The following PELI2 variants were observed in gnomAD, a reference collection of about 807,000 sequenced individuals.
PELI2 encodes the protein E3 ubiquitin-protein ligase pellino homolog 2.
A neutral mutation model predicts 42.3 loss-of-function variants in PELI2; 23 were observed. The observed-to-expected ratio is 0.54, with a 90% CI of 0.39 to 0.77. PELI2 has a LOEUF of 0.77. PELI2 is among the 30% of genes least tolerant of loss of function. The pLI, the probability that PELI2 is intolerant of heterozygous loss-of-function variation, is 0.00. For synonymous variants in PELI2, 245 were observed against 212.2 expected (o/e 1.15, Z -1.34); for missense variants, 463 against 553.2 (o/e 0.84, Z 1.64).
intron 1 of PELI2, among the ~76,000 whole-genome samples, chr14:56,172,107 A>T (rs1885195165): frequency 6.6e-6 from 1 of 152,178 alleles, no homozygotes; most frequent in African/African-American, 2.4e-5. Flanking sequence ...TTACTGTGTA[A>T]CCACCTACCC....
At chr14:56,246,187 A>G (rs1262059429) in intron 2 of PELI2, among the ~76,000 whole-genome samples, 1 of 152,150 alleles carries the variant, frequency 6.6e-6, no homozygotes, top group Non-Finnish European at 1.5e-5. Context: ...TGGGGCAAAC[A>G]GAGGTTGTAA....
Position 56,297,365 on chromosome 14 carries a change from G to A in PELI2, c.*199G>A, listed in dbSNP as rs765477851. 19 of 526,646 alleles carry A rather than the reference G, an allele frequency of 3.6e-5. No homozygotes were observed. The highest frequency in any genetic ancestry group is 1.0e-4 in the South Asian group (3 of 29,838). The allele number at this position is 526,646 out of a possible 1,614,324, so 32.6% of individuals were successfully genotyped here. A position where few individuals can be genotyped will look rare whatever the true frequency, so the allele number is the denominator to read the frequency against. ...TGTGTTGCATGCTCAAAACAGCAGC[G>A]TCGTCATTGAAGTCTGCTTGATTAA... On this transcript the variant is annotated 3_prime_UTR_variant, in exon 6 of 6. Transcript: ENST00000267460.
intron 2 of PELI2, among the ~76,000 whole-genome samples, chr14:56,231,167 T>G (rs1276928107): frequency 3.9e-5 from 6 of 152,148 alleles, no homozygotes; most frequent in Non-Finnish European, 5.9e-5. Flanking sequence ...GGGGACACTT[T>G]AATACACCAC....
At position 56,286,397 on chromosome 14, in the gene PELI2, A is replaced by G. The variant is rs74446747; in HGVS notation, c.310-2040A>G. On this transcript the variant is annotated intron_variant, in intron 3 of 5. Transcript: ENST00000267460. The stretch of plus-strand genomic sequence containing the variant: ...TGAGAAAAAGGTGAGGCCCTTCTAG[A>G]TGCTTTGATACCATCTTACCTGTCC... 6.8e-3 allele frequency among the ~76,000 whole-genome samples: 1,035 copies of G among 152,296 alleles called. 12 individuals carry two copies. Among genetic ancestry groups the G allele is most frequent in the African/African-American group, 0.024 (996 of 41,562 alleles).
intron 2 of PELI2, among the ~76,000 whole-genome samples, chr14:56,210,999 A>G (rs901899961): frequency 6.6e-6 from 1 of 152,178 alleles, no homozygotes; most frequent in African/African-American, 2.4e-5. Context: ...GTAACTACCA[A>G]GAGCATTTGG....
At chr14:56,131,086 A>G (rs1883466459) in intron 1 of PELI2, among the ~76,000 whole-genome samples, 1 of 152,162 alleles carries the variant, frequency 6.6e-6, no homozygotes, top group Non-Finnish European at 1.5e-5. Flanking sequence ...GTATTGATTA[A>G]GGGAAAAGTC....
At chr14:56,213,502 C>G (rs957033868) in intron 2 of PELI2, among the ~76,000 whole-genome samples, 1 of 152,154 alleles carries the variant, frequency 6.6e-6, no homozygotes, top group African/African-American at 2.4e-5. Context: ...GGGAGAGGGA[C>G]AAAGGCCAGA....
At position 56,290,286 on chromosome 14, in the gene PELI2, A is replaced by G; in HGVS notation, c.526A>G (p.Lys176Glu). Residue 176 changes from lysine to glutamate, a missense_variant, in exon 5 of 6, where the codon AAA (lysine) becomes GAA (glutamate). This residue lies in a region of PELI2 where 343 missense variants were observed against 378.4 expected (regional missense o/e 0.91). Transcript: ENST00000267460. ...IFLGEKAAKW[K>E]NPDGHMDGLT... The stretch of plus-strand genomic sequence containing the variant: ...TCTCCAGGAAAAGGCAGCAAAGTGG[A>G]AAAACCCCGACGGCCACATGGATGG... 6 of 1,594,028 alleles carry G rather than the reference A, an allele frequency of 3.8e-6. No individual in the cohort carries two copies. The highest frequency in any genetic ancestry group is 5.1e-6 in the Non-Finnish European group (6 of 1,166,584).
At chr14:56,181,341 T>C (rs1171297838) in intron 2 of PELI2, among the ~76,000 whole-genome samples, 2 of 51,274 alleles carry the variant, frequency 3.9e-5, no homozygotes, top group Non-Finnish European at 1.0e-4. Flanking sequence ...CCTGGTGGAC[T>C]TTTTTTTTTT....
chr14:56,235,620 G>A (rs979804892), intron 2 of PELI2, among the ~76,000 whole-genome samples: 1 of 152,244 alleles, frequency 6.6e-6, no homozygotes, highest in East Asian at 1.9e-4. Context: ...TGCAGTCCAA[G>A]CCTGGCCATC....
At chr14:56,185,072 G>A (rs1452825375) in intron 2 of PELI2, among the ~76,000 whole-genome samples, 1 of 151,944 alleles carries the variant, frequency 6.6e-6, no homozygotes, top group Non-Finnish European at 1.5e-5. Flanking sequence ...TTATTAAAAG[G>A]CTGGTTGTTA....
intron 1 of PELI2, among the ~76,000 whole-genome samples, chr14:56,152,040 C>A (rs1884380037): frequency 6.6e-6 from 1 of 152,146 alleles, no homozygotes; most frequent in Non-Finnish European, 1.5e-5. Flanking sequence ...TAGAAGCTGC[C>A]CTGTCTCCAG....
intron 2 of PELI2, among the ~76,000 whole-genome samples, chr14:56,258,485 G>A (rs1199057722): frequency 2.6e-5 from 4 of 152,090 alleles, no homozygotes; most frequent in Admixed American, 2.6e-4. Flanking sequence ...CTATGACGTG[G>A]AATGTAAAGG....
intron 2 of PELI2, among the ~76,000 whole-genome samples, chr14:56,254,839 A>G (rs1888470526): frequency 6.6e-6 from 1 of 152,262 alleles, no homozygotes; most frequent in Non-Finnish European, 1.5e-5. Context: ...ATATGAACAG[A>G]CACTTCTCAA....
intron 2 of PELI2, among the ~76,000 whole-genome samples, chr14:56,182,063 G>A (rs142115989): frequency 2.7e-4 from 41 of 152,202 alleles, no homozygotes; most frequent in African/African-American, 9.2e-4. Context: ...TGTCTAGTGA[G>A]TAGGCAAACG....
At chr14:56,131,494 A>G (rs748735991) in intron 1 of PELI2, among the ~76,000 whole-genome samples, 22 of 152,246 alleles carry the variant, frequency 1.4e-4, no homozygotes, top group Non-Finnish European at 3.1e-4. Flanking sequence ...TTATATGGGA[A>G]AAACCAGAGA....
intron 1 of PELI2, among the ~76,000 whole-genome samples, chr14:56,169,472 GCA>G (rs1421167994): frequency 4.6e-5 from 7 of 152,176 alleles, no homozygotes; most frequent in Non-Finnish European, 1.0e-4. Flanking sequence ...TAACAGAACA[GCA>G]CTTAGTTCAA....
At chr14:56,293,140 C>T (rs1038400714) in intron 5 of PELI2, among the ~76,000 whole-genome samples, 1 of 152,050 alleles carries the variant, frequency 6.6e-6, no homozygotes, top group Admixed American at 6.5e-5. Flanking sequence ...ATGAGGAAAC[C>T]TGGGCTTTAA....
chr14:56,122,481 A>T (rs1001511833), intron 1 of PELI2, among the ~76,000 whole-genome samples: 2 of 152,138 alleles, frequency 1.3e-5, no homozygotes, highest in African/African-American at 2.4e-5. Context: ...TCTGGATTCA[A>T]TTTGAAGCAT....
Sources: allele counts gnomAD v4.1 joint callset (sites outside exome capture counted in the v4.1 genomes callset), GRCh38; gene constraint gnomAD v4.1.1; regional missense constraint gnomAD v4.1.1; transcripts MANE v1.5; gene names NCBI Gene and HGNC (gene_info 2026-07-23, HGNC 2026-07-21).